TMTC2: variants seen among roughly 807,000 people sequenced by gnomAD.
TMTC2 encodes protein O-mannosyl-transferase TMTC2.
A neutral mutation model predicts 82.4 loss-of-function variants in TMTC2; 43 were observed. That is an observed-to-expected ratio of 0.52 (90% CI 0.41 to 0.67). The LOEUF (loss-of-function observed/expected upper bound fraction) is 0.67, where lower values mean the gene tolerates loss of function less well. Among genes scored for constraint, TMTC2 ranks in the 30% least tolerant of loss-of-function variants. The pLI is 0.00. For missense variants in TMTC2, 919 were observed against 1,012.4 expected, an observed-to-expected ratio of 0.91 and a Z score of 1.25; for synonymous variants, 408 against 381.9, an observed-to-expected ratio of 1.07 and a Z score of -0.80.
At chr12:82,942,596 A>C (rs1174429097) in intron 4 of TMTC2, among the ~76,000 whole-genome samples, 1 of 152,250 alleles carries the variant, frequency 6.6e-6, no homozygotes, top group Non-Finnish European at 1.5e-5. Flanking sequence ...TTCATCAACC[A>C]GCTATACATT....
chr12:83,050,817 A>T, intron 9 of TMTC2, 87 bp from the exon 10 acceptor site: 2 of 752,294 alleles, frequency 2.7e-6, no homozygotes, highest in African/African-American at 1.8e-5. Flanking sequence ...AATCACCTTT[A>T]CCACTGTACT....
chr12:82,901,310 C>CTT lies in TMTC2; in HGVS notation c.1483+4675_1483+4676dup, dbSNP rs1275831506. Among the ~76,000 whole-genome samples the CTT allele has an allele frequency of 2.1e-3, 211 of 99,612 alleles. 14 individuals are homozygous for CTT. Among genetic ancestry groups the CTT allele is most frequent in the Non-Finnish European group, 3.1e-3 (149 of 47,494 alleles). The allele number at this position is 99,612 out of a possible 152,430, so 65.3% of individuals were successfully genotyped here. On this transcript the variant is annotated intron_variant, in intron 3 of 11. Transcript: ENST00000321196. The stretch of plus-strand genomic sequence containing the variant: ...TATATATATATATATATTTTTTTTT[C>CTT]TTTTTTTTTTTTGAGACAGATTCTC...
chr12:82,882,210 G>A (rs1468535658), intron 2 of TMTC2, among the ~76,000 whole-genome samples: 1 of 151,132 alleles, frequency 6.6e-6, no homozygotes, highest in Non-Finnish European at 1.5e-5. Context: ...CGTTTTAGCC[G>A]GGATGGTCTC....
intron 8 of TMTC2, among the ~76,000 whole-genome samples, chr12:83,006,842 A>G (rs1880227369): frequency 6.6e-6 from 1 of 152,108 alleles, no homozygotes; most frequent in South Asian, 2.1e-4. Flanking sequence ...TCAGCAAACT[A>G]TCACAAGGAC....
chr12:82,977,526 G>A (rs1878727988), intron 7 of TMTC2, among the ~76,000 whole-genome samples: 1 of 151,788 alleles, frequency 6.6e-6, no homozygotes, highest in Admixed American at 6.6e-5. Flanking sequence ...CTAGACAATT[G>A]AGTAAATCTT....
intron 1 of TMTC2, among the ~76,000 whole-genome samples, chr12:82,777,866 G>T (rs551630958): frequency 6.6e-6 from 1 of 152,044 alleles, no homozygotes; most frequent in South Asian, 2.1e-4. Flanking sequence ...TTTTCACCAC[G>T]ATTTGCCATT....
chr12:82,970,402 C>G (rs1200024), intron 7 of TMTC2, among the ~76,000 whole-genome samples: 144,439 of 152,176 alleles, frequency 0.95, 68,601 homozygotes, highest in East Asian at 1. Context: ...CGCAATCTCG[C>G]CTCACTGCAA....
Position 82,893,349 on chromosome 12 carries a change from G to A in TMTC2, c.655-2469G>A, listed in dbSNP as rs572707957. On this transcript the variant is annotated intron_variant, in intron 2 of 11. Coordinates refer to ENST00000321196, the MANE Select transcript of TMTC2 (RefSeq NM_152588.3). Reference sequence around the variant, plus strand: ...TCATGCCACTGCACTTCAGCCTGGCGACAGAGCAAGACTCTATCTCAAAAA... The same window carrying A: ...TCATGCCACTGCACTTCAGCCTGGCAACAGAGCAAGACTCTATCTCAAAAA... Among the ~76,000 whole-genome samples, 7 of 143,058 alleles carry A rather than the reference G, an allele frequency of 4.9e-5. No homozygotes were observed. In the East Asian group the frequency reaches 1.2e-3, roughly 25 times the overall value. The allele number at this position is 143,058 out of a possible 152,430, so 93.9% of individuals were successfully genotyped here. A position where few individuals can be genotyped will look rare whatever the true frequency, so the allele number is the denominator to read the frequency against.
intron 4 of TMTC2, among the ~76,000 whole-genome samples, chr12:82,936,131 ACTT>A (rs913760566): frequency 3.9e-5 from 6 of 152,062 alleles, no homozygotes; most frequent in African/African-American, 1.2e-4. Flanking sequence ...ATATATATAT[ACTT>A]CTTCTTGGAA....
intron 9 of TMTC2, among the ~76,000 whole-genome samples, chr12:83,038,458 T>C (rs150265076): frequency 6.6e-6 from 1 of 152,162 alleles, no homozygotes; most frequent in East Asian, 1.9e-4. Context: ...TTTTTAATGT[T>C]TAAGATTATC....
At chr12:82,971,216 TGA>T (rs1878431599) in intron 7 of TMTC2, among the ~76,000 whole-genome samples, 1 of 152,154 alleles carries the variant, frequency 6.6e-6, no homozygotes, top group African/African-American at 2.4e-5. Context: ...TATAGTTTCT[TGA>T]CTTGAATCCA....
chr12:82,802,020 C>G (rs754507368), intron 1 of TMTC2, among the ~76,000 whole-genome samples: 3 of 143,720 alleles, frequency 2.1e-5, no homozygotes, highest in Non-Finnish European at 4.5e-5. Flanking sequence ...GCCTGCCAGT[C>G]CCACGCCGTG....
chr12:82,800,967 C>T (rs1416316678), intron 1 of TMTC2, among the ~76,000 whole-genome samples: 1 of 152,106 alleles, frequency 6.6e-6, no homozygotes, highest in Non-Finnish European at 1.5e-5. Flanking sequence ...GGATACTAGC[C>T]TATAGTTTTG....
intron 2 of TMTC2, among the ~76,000 whole-genome samples, chr12:82,857,823 G>C (rs1187655106): frequency 1.3e-5 from 2 of 152,082 alleles, no homozygotes; most frequent in Non-Finnish European, 2.9e-5. Flanking sequence ...GAATAATTTT[G>C]CCTTGTAAAG....
intron 1 of TMTC2, among the ~76,000 whole-genome samples, chr12:82,848,765 T>G (rs1418556679): frequency 2.0e-5 from 3 of 152,160 alleles, no homozygotes; most frequent in African/African-American, 2.4e-5. Flanking sequence ...TCCCTGATAT[T>G]TGTAGCAAGC....
chr12:83,002,779 T>A (rs1210233482), intron 8 of TMTC2, among the ~76,000 whole-genome samples: 1 of 67,158 alleles, frequency 1.5e-5, no homozygotes, highest in African/African-American at 3.4e-5. Flanking sequence ...TGGTAAGATT[T>A]TGATTTTTTT....
chr12:82,729,207 G>C (rs913208736), intron 1 of TMTC2, among the ~76,000 whole-genome samples: 1 of 152,210 alleles, frequency 6.6e-6, no homozygotes, highest in Non-Finnish European at 1.5e-5. Flanking sequence ...GGGGCTTGGA[G>C]AACCTTTATG....
At chr12:82,822,838 G>A (rs938674559) in intron 1 of TMTC2, among the ~76,000 whole-genome samples, 3 of 152,124 alleles carry the variant, frequency 2.0e-5, no homozygotes, top group East Asian at 1.9e-4. Flanking sequence ...AGCTGGGCAC[G>A]CTGCAGTACG....
chr12:82,752,943 C>T (rs931753431), intron 1 of TMTC2, among the ~76,000 whole-genome samples: 1 of 151,982 alleles, frequency 6.6e-6, no homozygotes, highest in Non-Finnish European at 1.5e-5. Context: ...TTATTAGACC[C>T]CTAGGCTAAA....
Sources: gnomAD v4.1 joint callset for allele counts (sites outside exome capture counted in the v4.1 genomes callset) on GRCh38, gnomAD v4.1.1 for gene constraint, MANE v1.5 for transcripts, NCBI Gene and HGNC (gene_info 2026-07-23, HGNC 2026-07-21) for gene names.